ANKFN1: variants seen among roughly 807,000 people sequenced by gnomAD.
ANKFN1 encodes ankyrin repeat and fibronectin type III domain containing 1, also known as ankyrin repeat and fibronectin type-III domain-containing protein 1.
ANKFN1 carries 74 observed loss-of-function variants against 108.7 expected under a neutral mutation model. That is an observed-to-expected ratio of 0.68 (90% CI 0.56 to 0.83). ANKFN1 has a LOEUF of 0.83. Ranked by LOEUF, ANKFN1 falls within the 40% of genes least tolerant of loss-of-function variation. The probability of loss-of-function intolerance (pLI) is 0.00; values close to 1 mark genes in which losing one functional copy is unlikely to be tolerated. For synonymous variants in ANKFN1, 547 were observed against 516.2 expected, an observed-to-expected ratio of 1.06 and a Z score of -0.81; for missense variants, 1,505 against 1,382.3, an observed-to-expected ratio of 1.09 and a Z score of -1.41.
chr17:56,270,281 A>G (rs905518852), intron 3 of ANKFN1, among the ~76,000 whole-genome samples: 6 of 152,210 alleles, frequency 3.9e-5, no homozygotes, highest in African/African-American at 1.4e-4. Context: ...AGCTTGAGAC[A>G]GGGCAGCTTG....
At chr17:56,472,619 CAAAT>C (rs538791321) in intron 15 of ANKFN1, 14 of 152,084 alleles carry the variant, frequency 9.2e-5, no homozygotes, top group Non-Finnish European at 1.9e-4. Flanking sequence ...CAGAAAAAAA[CAAAT>C]GAATAAGTCA....
intron 1 of ANKFN1, among the ~76,000 whole-genome samples, chr17:56,169,899 G>T (rs1330514073): frequency 6.6e-6 from 1 of 152,206 alleles, no homozygotes; most frequent in Non-Finnish European, 1.5e-5. Context: ...TCCTAATCAA[G>T]TGGGTACATT....
At chr17:56,210,531 A>G (rs1162388072) in intron 1 of ANKFN1, among the ~76,000 whole-genome samples, 6 of 152,146 alleles carry the variant, frequency 3.9e-5, no homozygotes, top group Admixed American at 3.3e-4. Context: ...GGCCATTTGT[A>G]TATCTTCTTT....
intron 4 of ANKFN1, among the ~76,000 whole-genome samples, chr17:56,074,875 G>A (rs979710828): frequency 2.0e-5 from 3 of 152,180 alleles, no homozygotes; most frequent in Admixed American, 1.3e-4. Flanking sequence ...GAGTCAGAGC[G>A]GAGCAGAGCC....
intron 4 of ANKFN1, among the ~76,000 whole-genome samples, chr17:56,098,598 T>G (rs1251020240): frequency 6.6e-6 from 1 of 152,208 alleles, no homozygotes; most frequent in Non-Finnish European, 1.5e-5. Flanking sequence ...CTTTGTTTTA[T>G]TAACTGATAT....
chr17:56,496,235 AAATAT>A (rs2051197513), intron 19 of ANKFN1, among the ~76,000 whole-genome samples: 4 of 152,262 alleles, frequency 2.6e-5, no homozygotes, highest in Middle Eastern at 3.4e-3. Context: ...ATTAAGAAGT[AAATAT>A]TGTTTCTACA....
chr17:56,224,003 A>G (rs1259773271), intron 2 of ANKFN1, among the ~76,000 whole-genome samples: 12 of 152,212 alleles, frequency 7.9e-5, no homozygotes, highest in Non-Finnish European at 1.6e-4. Flanking sequence ...GTCAGAGGTC[A>G]CACTGGAGGT....
chr17:56,238,311 G>T (rs538219555), intron 3 of ANKFN1, among the ~76,000 whole-genome samples: 1 of 152,176 alleles, frequency 6.6e-6, no homozygotes, highest in East Asian at 1.9e-4. Context: ...TTGAGTTCAG[G>T]TCCTGAACAT....
intron 3 of ANKFN1, among the ~76,000 whole-genome samples, chr17:56,277,984 T>C (rs1191708955): frequency 8.5e-5 from 13 of 152,188 alleles, no homozygotes; most frequent in Admixed American, 8.5e-4. Flanking sequence ...GGTCAGAATG[T>C]CCGATAAGGG....
intron 8 of ANKFN1, among the ~76,000 whole-genome samples, chr17:56,375,349 A>G (rs1215157478): frequency 6.6e-6 from 1 of 152,222 alleles, no homozygotes; most frequent in Non-Finnish European, 1.5e-5. Flanking sequence ...CAGGACAGGT[A>G]GAGCAAACTA....
intron 3 of ANKFN1, among the ~76,000 whole-genome samples, chr17:56,283,596 G>T (rs1175112528): frequency 3.3e-5 from 5 of 151,414 alleles, no homozygotes; most frequent in Non-Finnish European, 5.9e-5. Context: ...CAGCAACCTG[G>T]ATAGAACTGG....
intron 19 of ANKFN1, among the ~76,000 whole-genome samples, chr17:56,498,600 G>T (rs1014977304): frequency 6.6e-6 from 1 of 152,158 alleles, no homozygotes; most frequent in Non-Finnish European, 1.5e-5. Flanking sequence ...CAAGTGACTT[G>T]CTATGAGTTA....
chr17:56,438,039 T>TA (rs1568001208), intron 8 of ANKFN1, among the ~76,000 whole-genome samples: 3 of 150,776 alleles, frequency 2.0e-5, no homozygotes, highest in Middle Eastern at 3.2e-3. Context: ...TTGTAAGTAT[T>TA]TAATAAGCAC....
chr17:56,402,848 G>A (rs551003409), intron 8 of ANKFN1, among the ~76,000 whole-genome samples: 266 of 152,182 alleles, frequency 1.7e-3, no homozygotes, highest in African/African-American at 6.0e-3. Context: ...TTAGGGCTAT[G>A]AACTTTCCTC....
intron 8 of ANKFN1, among the ~76,000 whole-genome samples, chr17:56,429,567 C>A (rs1249039253): frequency 6.6e-6 from 1 of 152,208 alleles, no homozygotes; most frequent in Non-Finnish European, 1.5e-5. Context: ...TATACAGAGA[C>A]AGGCAGCAGG....
At chr17:56,048,010 T>C (rs1359510035) in intron 4 of ANKFN1, among the ~76,000 whole-genome samples, 1 of 152,264 alleles carries the variant, frequency 6.6e-6, no homozygotes, top group African/African-American at 2.4e-5. Context: ...CTCTGATTTT[T>C]CCCTGTGCCA....
intron 4 of ANKFN1, among the ~76,000 whole-genome samples, chr17:56,135,242 TTAAATG>T (rs1432883018): frequency 2.6e-5 from 4 of 152,210 alleles, no homozygotes; most frequent in African/African-American, 9.6e-5. Context: ...GATAATTACT[TTAAATG>T]TAGTATTTGT....
At chr17:56,356,797 T>C (rs1018175711) in intron 6 of ANKFN1, among the ~76,000 whole-genome samples, 2 of 152,124 alleles carry the variant, frequency 1.3e-5, no homozygotes, top group African/African-American at 4.8e-5. Context: ...ACATGGAGAA[T>C]GCAGACTGAG....
At chr17:56,439,569 C>T (rs1393743718) in intron 8 of ANKFN1, among the ~76,000 whole-genome samples, 1 of 151,832 alleles carries the variant, frequency 6.6e-6, no homozygotes, top group Non-Finnish European at 1.5e-5. Flanking sequence ...GAACATTAAA[C>T]ACCTTAGCCA....
Sources: gnomAD v4.1 joint callset for allele counts (sites outside exome capture counted in the v4.1 genomes callset) on GRCh38, gnomAD v4.1.1 for gene constraint, MANE v1.5 for transcripts, NCBI Gene and HGNC (gene_info 2026-07-23, HGNC 2026-07-21) for gene names.